The following CERCAM variants were observed in gnomAD, a reference collection of about 807,000 sequenced individuals.
CERCAM encodes cerebral endothelial cell adhesion molecule, also known as inactive glycosyltransferase 25 family member 3.
Under a neutral mutation model 66.0 loss-of-function variants are expected in CERCAM, and 59 were observed. The ratio of observed to expected loss-of-function variants is 0.89; its 90% confidence interval spans 0.73 to 1.11. The LOEUF is 1.11. CERCAM is among the 50% of genes most tolerant of loss of function. The pLI is 0.00. For synonymous variants in CERCAM, 318 were observed against 343.6 expected, an observed-to-expected ratio of 0.93 and a Z score of 0.83; for missense variants, 840 against 828.3, an observed-to-expected ratio of 1.01 and a Z score of -0.17.
Position 128,420,973 on chromosome 9 carries a change from C to G in CERCAM, c.96C>G (p.Ala32=), listed in dbSNP as rs1159498507. The G allele has an allele frequency of 6.8e-7, 1 of 1,470,108 alleles. No individual in the cohort carries two copies. Among genetic ancestry groups the G allele is most frequent in the Admixed American group, 2.4e-5 (1 of 41,550 alleles). The allele number at this position is 1,470,108 out of a possible 1,614,324, so 91.1% of individuals were successfully genotyped here. ...GCGTTGCGGAGTCGCCGCTGCCCGC[C>G]GTGGTCCTTGCCATCCTGGCCCGCA... ...AAGVAESPLP[A]VVLAILARNA... is the part of the protein sequence containing the mutation. The change falls in exon 1 of 13, where the codon GCC becomes GCG. Residue 32 remains alanine, a synonymous_variant. Transcript: ENST00000372838. This position sits in a 1 kb window ranked among gnomAD's most constrained non-coding sequence, Gnocchi z 5.0.
chr9:128,422,526 C>T (rs1833733684), intron 1 of CERCAM: 1 of 221,886 alleles, frequency 4.5e-6, no homozygotes, highest in Non-Finnish European at 9.1e-6. Context: ...CGAGATCATA[C>T]CACTGCACTA....
chr9:128,428,407 T>A lies in CERCAM; in HGVS notation c.872T>A (p.Ile291Asn). Residue 291 changes from isoleucine to asparagine, a missense_variant, in exon 6 of 13, where the codon ATC becomes AAC. Transcript: ENST00000372838. ...GAGAGGGTCAACTTCATCCACCTGA[T>A]CTTAGAAGCACTAGGTGAGGGCTGG... is the stretch of plus-strand genomic sequence containing the variant. ...EDERVNFIHLILEALVDGPRM... is the reference protein window; with the variant it reads ...EDERVNFIHLNLEALVDGPRM... The A allele has an allele frequency of 6.2e-7, 1 of 1,614,026 alleles. No individual in the cohort carries two copies.
rs770681685 is a variant in CERCAM at position 128,428,788 on chromosome 9, T to C, written c.918T>C (p.His306=). The C allele has an allele frequency of 2.5e-6, 4 of 1,613,826 alleles. No homozygotes were observed. The highest frequency in any genetic ancestry group is 2.7e-5 in the African/African-American group (2 of 74,862). The change falls in exon 7 of 13, where the codon CAT becomes CAC. Residue 306 remains histidine, a synonymous_variant. Transcript: ENST00000372838. ...VDGPRMQASA[H]VTRPSKRPSK... ...GCCCCCGCATGCAGGCCTCAGCTCA[T>C]GTGACTCGGCCCTCTAAGAGGCCCA...
intron 5 of CERCAM, among the ~76,000 whole-genome samples, chr9:128,426,577 G>A (rs1201684710): frequency 2.6e-5 from 4 of 151,428 alleles, no homozygotes; most frequent in East Asian, 1.9e-4. Flanking sequence ...CCGAGATCGC[G>A]CCACTGCACT....
At position 128,423,134 on chromosome 9, in the gene CERCAM, CTATCCCCT is replaced by C. The variant is rs1833750074; in HGVS notation, c.309-11_309-4del. On this transcript the variant is annotated splice_polypyrimidine_tract_variant and splice_region_variant and intron_variant, in intron 2 of 12. Coordinates refer to ENST00000372838, the MANE Select transcript of CERCAM (RefSeq NM_016174.5). ...TGTACCCCATGGGAACATCTCACCT[CTATCCCCT>C]CAGGTTCTACCCAGATGAAGAGGGT... 1 of 1,613,474 alleles carries C rather than the reference CTATCCCCT, an allele frequency of 6.2e-7. No homozygotes were observed. The highest frequency in any genetic ancestry group is 8.5e-7 in the Non-Finnish European group (1 of 1,179,576).
chr9:128,435,780 T>C lies in CERCAM; in HGVS notation c.1663T>C (p.Trp555Arg). 1 of 1,613,248 alleles carries C rather than the reference T, an allele frequency of 6.2e-7. No homozygotes were observed. The highest frequency in any genetic ancestry group is 1.1e-5 in the South Asian group (1 of 90,926). ...CAGTGACACGGAGACATCCTCTCCATGGGATGATGACAGCGGCCGCCTCAT... is the reference window on the plus strand; with the variant it reads ...CAGTGACACGGAGACATCCTCTCCACGGGATGATGACAGCGGCCGCCTCAT... ...WLSDTETSSP[W>R]DDDSGRLISW... Residue 555 changes from tryptophan to arginine, a missense_variant, in exon 12 of 13, where the codon TGG becomes CGG. Physicochemically the swap from Trp to Arg is moderately radical, Grantham distance 101. Transcript: ENST00000372838.
intron 1 of CERCAM, chr9:128,421,646 C>A: frequency 3.8e-6 from 2 of 520,278 alleles, no homozygotes; most frequent in Non-Finnish European, 4.9e-6. Flanking sequence ...CAAGGGCAGT[C>A]CCCCTTCCTG....
chr9:128,428,136 A>G (rs550892756), intron 5 of CERCAM, among the ~76,000 whole-genome samples, 166 bp from the exon 6 acceptor site: 10 of 152,052 alleles, frequency 6.6e-5, no homozygotes, highest in African/African-American at 2.4e-4. Context: ...CCCCTTAGAT[A>G]TTGTGTGAGC....
At chr9:128,433,008 C>T (rs551263671) in intron 9 of CERCAM, among the ~76,000 whole-genome samples, 151 of 152,074 alleles carry the variant, frequency 9.9e-4, no homozygotes, top group Non-Finnish European at 1.6e-3. Flanking sequence ...GGCCGGGCGC[C>T]GTGGCTCACG....
chr9:128,433,210 C>T (rs1425678783), intron 9 of CERCAM, among the ~76,000 whole-genome samples: 2 of 146,024 alleles, frequency 1.4e-5, no homozygotes, highest in Non-Finnish European at 3.0e-5. Flanking sequence ...ACCCAGGAGG[C>T]GGAGCATGCA....
chr9:128,433,778 C>T (rs1442269644), intron 9 of CERCAM, among the ~76,000 whole-genome samples: 4 of 152,218 alleles, frequency 2.6e-5, no homozygotes, highest in Admixed American at 1.3e-4. Context: ...TGCATGTCCA[C>T]CTCCTTCCTG....
chr9:128,434,661 C>A lies in CERCAM; in HGVS notation c.1535+48C>A. ...GCATGGCAGGGCAGAGGCGTCCCCTCCAGGAACTCACCTCAGTCAGCAGGA... is the reference window on the plus strand; with the variant it reads ...GCATGGCAGGGCAGAGGCGTCCCCTACAGGAACTCACCTCAGTCAGCAGGA... On this transcript the variant is annotated intron_variant, in intron 11 of 12. Transcript: ENST00000372838. This position sits in a 1 kb window ranked among gnomAD's most constrained non-coding sequence, Gnocchi z 4.5. 6.4e-7 allele frequency: 1 copy of A among 1,552,878 alleles called. No homozygotes were observed.
chr9:128,429,108 A>AG, intron 8 of CERCAM, 72 bp downstream of exon 8: 1 of 1,145,930 alleles, frequency 8.7e-7, no homozygotes, highest in Non-Finnish European at 1.2e-6. Context: ...GCCCGCTAGG[A>AG]CTGGGAAAAG....
chr9:128,434,182 G>A lies in CERCAM; in HGVS notation c.1284G>A (p.Glu428=), dbSNP rs1466783731. The A allele has an allele frequency of 2.5e-6, 4 of 1,614,178 alleles. No homozygotes were observed. The highest frequency in any genetic ancestry group is 1.6e-4 in the Middle Eastern group (1 of 6,062). ...AGAGCAACTTCAGGGGGCGGCTGGA[G>A]CGGCTGATGGAGGATGTGGAGGCAG... ...RFESNFRGRL[E]RLMEDVEAEK... The change falls in exon 10 of 13, where the codon GAG becomes GAA. Residue 428 remains glutamate (E), a synonymous_variant. Transcript: ENST00000372838. The surrounding 1 kb of genome is among the most constrained non-coding windows in gnomAD (Gnocchi z 4.5).
Position 128,428,320 on chromosome 9 carries a change from G to A in CERCAM, c.785G>A (p.Cys262Tyr). Reference sequence around the variant, plus strand: ...TCTGCAGGGGTCTCCGTCCACGTGTGCAATGAGCACCGTTATGGGTACATG... The same window carrying A: ...TCTGCAGGGGTCTCCGTCCACGTGTACAATGAGCACCGTTATGGGTACATG... ...CQAAGVSVHV[C>Y]NEHRYGYMNV... Residue 262 changes from cysteine (C) to tyrosine (Y), a missense_variant, in exon 6 of 13, where the codon TGC (cysteine) becomes TAC (tyrosine). Physicochemically the swap from Cys to Tyr is radical, Grantham distance 194 (BLOSUM62 -2). Coordinates refer to ENST00000372838, the MANE Select transcript of CERCAM (RefSeq NM_016174.5). 2 of 1,614,090 alleles carry A rather than the reference G, an allele frequency of 1.2e-6. No individual in the cohort carries two copies. The highest frequency in any genetic ancestry group is 1.3e-5 in the African/African-American group (1 of 75,046).
In CERCAM at chr9:128,428,288, G is replaced by A. The variant is rs755094659; in HGVS notation, c.767-14G>A. ...CACCCTCCACTGCAGCTCTCACTCA[G>A]CCTGTCTCTGCAGGGGTCTCCGTCC... On this transcript the variant is annotated splice_polypyrimidine_tract_variant and intron_variant, in intron 5 of 12. Transcript: ENST00000372838. 2 of 1,613,322 alleles carry A rather than the reference G, an allele frequency of 1.2e-6. No homozygotes were observed. Among genetic ancestry groups the A allele is most frequent in the Non-Finnish European group, 1.7e-6 (2 of 1,179,542 alleles).
intron 5 of CERCAM, chr9:128,427,764 CAAA>C (rs879285710): frequency 1.6e-5 from 2 of 128,298 alleles, no homozygotes; most frequent in Non-Finnish European, 3.3e-5. Flanking sequence ...GACTCCATCT[CAAA>C]AAAAAAAAAA....
In CERCAM at chr9:128,428,741, G is replaced by T. The variant is rs775581483; in HGVS notation, c.887-16G>T. On this transcript the variant is annotated splice_polypyrimidine_tract_variant and intron_variant, in intron 6 of 12. Coordinates refer to ENST00000372838, the MANE Select transcript of CERCAM (RefSeq NM_016174.5). ...GTCAGTAGGGACTCGTGCTTGGGGT[G>T]TGCTTCCCTTTGCAGTGGACGGCCC... The T allele has an allele frequency of 6.2e-7, 1 of 1,613,788 alleles. No individual in the cohort carries two copies. The highest frequency in any genetic ancestry group is 8.5e-7 in the Non-Finnish European group (1 of 1,179,904).
intron 1 of CERCAM, chr9:128,422,642 G>C (rs1038313380): frequency 1.9e-6 from 1 of 535,052 alleles, no homozygotes; most frequent in Non-Finnish European, 3.3e-6. Context: ...GAGGGAGGAC[G>C]TGAAGCCCAG....
Sources: allele counts gnomAD v4.1 joint callset (sites outside exome capture counted in the v4.1 genomes callset), GRCh38; gene constraint gnomAD v4.1.1; non-coding constraint Gnocchi (gnomAD v3.1); transcripts MANE v1.5; gene names NCBI Gene and HGNC (gene_info 2026-07-23, HGNC 2026-07-21).